Variants in KIAA1958 observed in about 807,000 individuals in gnomAD.
KIAA1958 encodes uncharacterized protein KIAA1958.
A neutral mutation model predicts 47.2 loss-of-function variants in KIAA1958; 14 were observed. That is an observed-to-expected ratio of 0.30 (90% CI 0.20 to 0.46). The LOEUF (loss-of-function observed/expected upper bound fraction) is 0.46. Among genes scored for constraint, KIAA1958 ranks in the 20% least tolerant of loss-of-function variants. The probability of loss-of-function intolerance (pLI) is 1.00; values close to 1 mark genes in which losing one functional copy is unlikely to be tolerated. For missense variants in KIAA1958, 803 were observed against 909.2 expected (o/e 0.88, Z 1.50); for synonymous variants, 354 against 353.3 (o/e 1.00, Z -0.02).
At position 112,534,525 on chromosome 9, in the gene KIAA1958, G is replaced by A. The variant is rs146982490; in HGVS notation, c.-24-39532G>A. Among the ~76,000 whole-genome samples, 629 of 151,712 alleles carry A rather than the reference G, an allele frequency of 4.1e-3. 3 individuals are homozygous for A. Among genetic ancestry groups the A allele is most frequent in the African/African-American group, 0.014 (595 of 41,404 alleles). The stretch of plus-strand genomic sequence containing the variant: ...TGTATCTTTTGCCAGTATTTATATT[G>A]GGATATTCATCTTTTTCTTTTTTCT... On this transcript the variant is annotated intron_variant, in intron 1 of 3. Coordinates refer to ENST00000337530, the MANE Select transcript of KIAA1958 (RefSeq NM_133465.4).
intron 2 of KIAA1958, among the ~76,000 whole-genome samples, chr9:112,644,654 A>G (rs1340796531): frequency 6.6e-6 from 1 of 152,160 alleles, no homozygotes; most frequent in African/African-American, 2.4e-5. Context: ...TGAAGTAATT[A>G]TGGCAAGTTA....
intron 2 of KIAA1958, chr9:112,617,741 C>T (rs1266356879): frequency 1.4e-5 from 10 of 705,610 alleles, no homozygotes; most frequent in South Asian, 8.3e-5. Flanking sequence ...TAACATTTAT[C>T]AGTGATCTCC....
At chr9:112,507,088 G>C (rs1019088553) in intron 1 of KIAA1958, among the ~76,000 whole-genome samples, 13 of 152,168 alleles carry the variant, frequency 8.5e-5, no homozygotes, top group African/African-American at 3.1e-4. Context: ...ACTTTTAGAA[G>C]TATTTGTGGG....
chr9:112,666,127 A>G lies in KIAA1958; in HGVS notation c.*6058A>G, dbSNP rs1302787634. 3 of 151,892 alleles carry G rather than the reference A, an allele frequency of 2.0e-5. No homozygotes were observed. The highest frequency in any genetic ancestry group is 4.4e-5 in the Non-Finnish European group (3 of 67,988). The allele number at this position is 151,892 out of a possible 1,614,324, so 9.4% of individuals were successfully genotyped here. A position where few individuals can be genotyped will look rare whatever the true frequency, so the allele number is the denominator to read the frequency against. Reference sequence around the variant, plus strand: ...GCTGGGATTACAAGCGTGTGCCACCACGCTCGGCTAATTTTTGTATTTTTA... The same window carrying G: ...GCTGGGATTACAAGCGTGTGCCACCGCGCTCGGCTAATTTTTGTATTTTTA... On this transcript the variant is annotated 3_prime_UTR_variant, in exon 4 of 4. Coordinates refer to ENST00000337530, the MANE Select transcript of KIAA1958 (RefSeq NM_133465.4).
At position 112,588,030 on chromosome 9, in the gene KIAA1958, C is replaced by T. The variant is rs190045087; in HGVS notation, c.1171+12779C>T. Among the ~76,000 whole-genome samples the T allele has an allele frequency of 6.2e-4, 95 of 152,282 alleles. 1 individual carries two copies. The highest frequency in any genetic ancestry group is 1.9e-3 in the Admixed American group (29 of 15,292). On this transcript the variant is annotated intron_variant, in intron 2 of 3. Transcript: ENST00000337530. Reference sequence around the variant, plus strand: ...ATGAGAGAGGAAATAAATATATTTTCTCCACCTAAGGATGAGGATATTAGG... The same window carrying T: ...ATGAGAGAGGAAATAAATATATTTTTTCCACCTAAGGATGAGGATATTAGG...
At chr9:112,538,666 A>G (rs1182322475) in intron 1 of KIAA1958, among the ~76,000 whole-genome samples, 1 of 152,196 alleles carries the variant, frequency 6.6e-6, no homozygotes, top group African/African-American at 2.4e-5. Context: ...AACAAAAACT[A>G]TTAGTAATAT....
At chr9:112,602,489 A>G (rs1836151864) in intron 2 of KIAA1958, among the ~76,000 whole-genome samples, 2 of 152,202 alleles carry the variant, frequency 1.3e-5, no homozygotes, top group Admixed American at 6.5e-5. Context: ...AATAGACAAC[A>G]TCGTAACATC....
At chr9:112,622,869 T>C (rs796341885) in intron 2 of KIAA1958, among the ~76,000 whole-genome samples, 2 of 152,298 alleles carry the variant, frequency 1.3e-5, no homozygotes, top group African/African-American at 4.8e-5. Flanking sequence ...ATTGAACAGC[T>C]AGGGGCCAAA....
At chr9:112,608,818 T>G (rs999124264) in intron 2 of KIAA1958, among the ~76,000 whole-genome samples, 1 of 151,206 alleles carries the variant, frequency 6.6e-6, no homozygotes, top group African/African-American at 2.4e-5. Flanking sequence ...GCAGGAAGAT[T>G]GCTTGAGCCC....
chr9:112,604,975 T>G (rs1157714215), intron 2 of KIAA1958, among the ~76,000 whole-genome samples: 1 of 147,530 alleles, frequency 6.8e-6, no homozygotes, highest in African/African-American at 2.5e-5. Context: ...TTTTTATATA[T>G]TATATATTTT....
chr9:112,660,339 G>A lies in KIAA1958; in HGVS notation c.*270G>A, dbSNP rs1318206160. 4.6e-6 allele frequency: 2 copies of A among 437,052 alleles called. No homozygotes were observed. The highest frequency in any genetic ancestry group is 8.2e-6 in the Non-Finnish European group (2 of 244,542). The allele number at this position is 437,052 out of a possible 1,614,324, so 27.1% of individuals were successfully genotyped here. A position where few individuals can be genotyped will look rare whatever the true frequency, so the allele number is the denominator to read the frequency against. Reference sequence around the variant, plus strand: ...CAATGTATAATTGTTACATACAAGAGTGAGGAAATTCATTTTCTCTAGTGC... The same window carrying A: ...CAATGTATAATTGTTACATACAAGAATGAGGAAATTCATTTTCTCTAGTGC... On this transcript the variant is annotated 3_prime_UTR_variant, in exon 4 of 4. Transcript: ENST00000337530.
At chr9:112,542,456 T>C (rs1302296436) in intron 1 of KIAA1958, among the ~76,000 whole-genome samples, 1 of 152,206 alleles carries the variant, frequency 6.6e-6, no homozygotes. Flanking sequence ...TTCACATTTA[T>C]TGAATATTTT....
intron 1 of KIAA1958, among the ~76,000 whole-genome samples, chr9:112,564,011 A>G (rs1202885325): frequency 6.6e-6 from 1 of 152,154 alleles, no homozygotes; most frequent in Non-Finnish European, 1.5e-5. Flanking sequence ...GTAGACTGCT[A>G]CTATGTTGAA....
Position 112,574,095 on chromosome 9 carries a change from T to A in KIAA1958, c.15T>A (p.Leu5=), listed in dbSNP as rs768849427. 1 of 1,594,422 alleles carries A rather than the reference T, an allele frequency of 6.3e-7. No individual in the cohort carries two copies. Among genetic ancestry groups the A allele is most frequent in the South Asian group, 1.1e-5 (1 of 87,966 alleles). The change falls in exon 2 of 4, where the codon CTT becomes CTA. Residue 5 remains leucine (L), a synonymous_variant. Transcript: ENST00000337530. MEDC[L]HTSSENLSKL... ...GATCCTGTAACATGGAGGATTGTCT[T>A]CATACCTCATCTGAGAATCTGTCCA... is the stretch of plus-strand genomic sequence containing the variant.
In KIAA1958 at chr9:112,660,338, A is replaced by G. The variant is rs1034719969; in HGVS notation, c.*269A>G. 4.5e-6 allele frequency: 2 copies of G among 441,420 alleles called. No individual in the cohort carries two copies. Among genetic ancestry groups the G allele is most frequent in the Non-Finnish European group, 8.1e-6 (2 of 247,080 alleles). The allele number at this position is 441,420 out of a possible 1,614,324, so 27.3% of individuals were successfully genotyped here. A position where few individuals can be genotyped will look rare whatever the true frequency, so the allele number is the denominator to read the frequency against. On this transcript the variant is annotated 3_prime_UTR_variant, in exon 4 of 4. Coordinates refer to ENST00000337530, the MANE Select transcript of KIAA1958 (RefSeq NM_133465.4). ...ACAATGTATAATTGTTACATACAAG[A>G]GTGAGGAAATTCATTTTCTCTAGTG...
intron 1 of KIAA1958, among the ~76,000 whole-genome samples, chr9:112,530,142 C>G (rs1410170221): frequency 6.6e-6 from 1 of 152,186 alleles, no homozygotes; most frequent in East Asian, 1.9e-4. Context: ...CACATCCGGC[C>G]TAGACTCCAC....
intron 2 of KIAA1958, among the ~76,000 whole-genome samples, chr9:112,605,046 A>G (rs1273392779): frequency 6.8e-6 from 1 of 147,070 alleles, no homozygotes; most frequent in East Asian, 1.9e-4. Flanking sequence ...ATGTATTTTT[A>G]TATATTTATA....
In KIAA1958 at chr9:112,532,000, C is replaced by T. The variant is rs142910974; in HGVS notation, c.-24-42057C>T. ...GCTGTCAGACCTCAATTTGAGGGAC[C>T]GCTTCACATTCCTCTCATAGGAGAC... On this transcript the variant is annotated intron_variant, in intron 1 of 3. Coordinates refer to ENST00000337530, the MANE Select transcript of KIAA1958 (RefSeq NM_133465.4). 6.2e-4 allele frequency among the ~76,000 whole-genome samples: 95 copies of T among 152,288 alleles called. 1 individual carries two copies. The highest frequency in any genetic ancestry group is 2.1e-3 in the African/African-American group (86 of 41,570).
chr9:112,529,011 A>G (rs1432169175), intron 1 of KIAA1958, among the ~76,000 whole-genome samples: 2 of 152,228 alleles, frequency 1.3e-5, no homozygotes, highest in Admixed American at 6.5e-5. Context: ...ATGCAGAATT[A>G]TAGAAATAAA....
Sources: gnomAD v4.1 joint callset for allele counts (sites outside exome capture counted in the v4.1 genomes callset) on GRCh38, gnomAD v4.1.1 for gene constraint, MANE v1.5 for transcripts, NCBI Gene and HGNC (gene_info 2026-07-23, HGNC 2026-07-21) for gene names.